Variants in CADPS observed in about 807,000 individuals in gnomAD.
CADPS encodes calcium dependent secretion activator.
A neutral mutation model predicts 167.3 loss-of-function variants in CADPS; 57 were observed. That is an observed-to-expected ratio of 0.34 (90% CI 0.28 to 0.42). The LOEUF (loss-of-function observed/expected upper bound fraction) is 0.42. CADPS is among the 20% of genes least tolerant of loss of function. The pLI is 1.00. For synonymous variants in CADPS, 676 were observed against 635.3 expected (o/e 1.06, Z -0.96); for missense variants, 1,414 against 1,738.1 (o/e 0.81, Z 3.32).
intron 7 of CADPS, among the ~76,000 whole-genome samples, chr3:62,587,661 G>A (rs551144274): frequency 6.6e-6 from 1 of 152,190 alleles, no homozygotes; most frequent in South Asian, 2.1e-4. Context: ...TCATTAACAG[G>A]CCTTTCGCCA....
chr3:62,663,069 GT>G (rs1563527010), intron 3 of CADPS, among the ~76,000 whole-genome samples: 1 of 152,156 alleles, frequency 6.6e-6, no homozygotes, highest in Non-Finnish European at 1.5e-5. Flanking sequence ...AGAAAAAGGG[GT>G]CAGTTATGTA....
chr3:62,779,785 C>A (rs1238028065), intron 1 of CADPS: 1 of 293,332 alleles, frequency 3.4e-6, no homozygotes, highest in African/African-American at 2.2e-5. Flanking sequence ...CTCCTCAACA[C>A]AATGTCAGTG....
intron 3 of CADPS, among the ~76,000 whole-genome samples, chr3:62,708,746 A>G (rs1458359153): frequency 6.6e-6 from 1 of 152,056 alleles, no homozygotes; most frequent in African/African-American, 2.4e-5. Context: ...ACCCTGCTAT[A>G]ATTGCCTCCA....
intron 6 of CADPS, among the ~76,000 whole-genome samples, chr3:62,600,587 A>AG (rs1411020465): frequency 6.6e-6 from 1 of 152,208 alleles, no homozygotes; most frequent in Non-Finnish European, 1.5e-5. Flanking sequence ...TTCACTGCTT[A>AG]GGGATTCTAT....
In CADPS at chr3:62,795,150, T is replaced by C. The variant is rs567359929; in HGVS notation, c.442-29166A>G. 3.3e-5 allele frequency among the ~76,000 whole-genome samples: 5 copies of C among 152,190 alleles called. No individual in the cohort carries two copies. In the East Asian group the frequency reaches 9.7e-4, roughly 30 times the overall value. ...CGAATAGACTTCCTCTTCCTCAAAA[T>C]CTTGATCTCTTGTCTCACTGCAGGG... On this transcript the variant is annotated intron_variant, in intron 1 of 29. Transcript: ENST00000383710.
chr3:62,752,517 T>C (rs1181163555), intron 3 of CADPS, among the ~76,000 whole-genome samples: 6 of 152,252 alleles, frequency 3.9e-5, no homozygotes, highest in Non-Finnish European at 7.3e-5. Flanking sequence ...CCATTATCCA[T>C]TTATTAATTC....
intron 1 of CADPS, among the ~76,000 whole-genome samples, chr3:62,871,963 A>T (rs2082708903): frequency 6.6e-6 from 1 of 152,170 alleles, no homozygotes; most frequent in South Asian, 2.1e-4. Context: ...ATACTTGAAA[A>T]AGTGGTGTGA....
At chr3:62,679,927 G>T (rs1218014700) in intron 3 of CADPS, among the ~76,000 whole-genome samples, 2 of 151,932 alleles carry the variant, frequency 1.3e-5, no homozygotes, top group Non-Finnish European at 2.9e-5. Flanking sequence ...GTCCTCCACT[G>T]GATGCAGAAT....
At chr3:62,825,611 A>G (rs1443282944) in intron 1 of CADPS, among the ~76,000 whole-genome samples, 1 of 152,204 alleles carries the variant, frequency 6.6e-6, no homozygotes, top group Non-Finnish European at 1.5e-5. Context: ...CTCAAAAGGT[A>G]AGGCCATTTG....
At chr3:62,467,341 G>GAAA in intron 24 of CADPS, 1 of 1,188,624 alleles carries the variant, frequency 8.4e-7, no homozygotes, top group Non-Finnish European at 1.1e-6. Context: ...ATTAGGAACA[G>GAAA]AAAAAAAAAG....
intron 28 of CADPS, 156 bp from the exon 29 acceptor site, chr3:62,403,341 A>C (rs1300407478): frequency 1.7e-6 from 1 of 575,500 alleles, no homozygotes; most frequent in African/African-American, 1.9e-5. Context: ...AACGTTAGTT[A>C]GTTTATACAA....
chr3:62,609,673 G>A lies in CADPS; in HGVS notation c.1326-16925C>T, dbSNP rs78571460. On this transcript the variant is annotated intron_variant, in intron 6 of 29. Transcript: ENST00000383710. ...TACCTCATGGTTGTTAGTAAAGATC[G>A]AATTAGATAATTCAGGCAAAGCATT... Among the ~76,000 whole-genome samples, 1,063 of 152,244 alleles carry A rather than the reference G, an allele frequency of 7.0e-3. 10 individuals carry two copies. Among genetic ancestry groups the A allele is most frequent in the African/African-American group, 0.024 (995 of 41,548 alleles).
Position 62,478,106 on chromosome 3 carries a change from C to G in CADPS, c.3329+155G>C, listed in dbSNP as rs764130979. ...GGAGGGCAGGTGAATGGAAGTTAGACGTTGACAGCCACTACTCCAGCTGAC... is the reference window on the plus strand; with the variant it reads ...GGAGGGCAGGTGAATGGAAGTTAGAGGTTGACAGCCACTACTCCAGCTGAC... On this transcript the variant is annotated intron_variant, in intron 23 of 29. Coordinates refer to ENST00000383710, the MANE Select transcript of CADPS (RefSeq NM_003716.4). This position sits in a 1 kb window ranked among gnomAD's most constrained non-coding sequence, Gnocchi z 5.7. 6 of 751,168 alleles carry G rather than the reference C, an allele frequency of 8.0e-6. No individual in the cohort carries two copies. The highest frequency in any genetic ancestry group is 1.3e-5 in the Non-Finnish European group (6 of 468,460). The allele number at this position is 751,168 out of a possible 1,614,324, so 46.5% of individuals were successfully genotyped here. A position where few individuals can be genotyped will look rare whatever the true frequency, so the allele number is the denominator to read the frequency against.
intron 10 of CADPS, among the ~76,000 whole-genome samples, chr3:62,552,545 T>C (rs985161605): frequency 1.3e-5 from 2 of 152,202 alleles, no homozygotes; most frequent in African/African-American, 4.8e-5. Flanking sequence ...GCCTCCTCAA[T>C]TATTAAAAAC....
intron 4 of CADPS, among the ~76,000 whole-genome samples, chr3:62,661,491 G>A (rs371331551): frequency 6.6e-5 from 10 of 152,120 alleles, no homozygotes; most frequent in Admixed American, 6.6e-5. Flanking sequence ...AGTTGGACTC[G>A]GGAGTTCCGG....
intron 18 of CADPS, among the ~76,000 whole-genome samples, chr3:62,493,999 T>C (rs1234961792): frequency 6.6e-6 from 1 of 152,174 alleles, no homozygotes; most frequent in Non-Finnish European, 1.5e-5. Flanking sequence ...ACTTATAAAT[T>C]GAAGTCAAAG....
At chr3:62,603,458 C>T (rs1160656168) in intron 6 of CADPS, among the ~76,000 whole-genome samples, 1 of 152,270 alleles carries the variant, frequency 6.6e-6, no homozygotes, top group Non-Finnish European at 1.5e-5. Flanking sequence ...CAATAAATGC[C>T]TATCGAATCA....
At chr3:62,593,211 A>G (rs2086454457) in intron 6 of CADPS, among the ~76,000 whole-genome samples, 1 of 152,182 alleles carries the variant, frequency 6.6e-6, no homozygotes, top group African/African-American at 2.4e-5. Context: ...GGGGAGCCCC[A>G]TTTTCACTGG....
intron 1 of CADPS, among the ~76,000 whole-genome samples, chr3:62,870,365 A>G (rs2082405529): frequency 1.3e-5 from 2 of 152,178 alleles, no homozygotes; most frequent in Admixed American, 1.3e-4. Context: ...TTTATTATTG[A>G]TTCAAAACAC....
Sources: allele counts gnomAD v4.1 joint callset (sites outside exome capture counted in the v4.1 genomes callset), GRCh38; gene constraint gnomAD v4.1.1; non-coding constraint Gnocchi (gnomAD v3.1); transcripts MANE v1.5; gene names NCBI Gene and HGNC (gene_info 2026-07-23, HGNC 2026-07-21).